Variants in ANKH observed in about 807,000 individuals in gnomAD.
ANKH encodes ANKH inorganic pyrophosphate transport regulator.
Under a neutral mutation model 49.0 loss-of-function variants are expected in ANKH, and 15 were observed. That is an observed-to-expected ratio of 0.31 (90% CI 0.20 to 0.47). The LOEUF is 0.47. Among genes scored for constraint, ANKH ranks in the 20% least tolerant of loss-of-function variants. The pLI, the probability that ANKH is intolerant of heterozygous loss-of-function variation, is 1.00. For synonymous variants in ANKH, 273 were observed against 260.0 expected, an observed-to-expected ratio of 1.05 and a Z score of -0.48; for missense variants, 429 against 652.0, an observed-to-expected ratio of 0.66 and a Z score of 3.72.
chr5:14,731,832 G>A (rs1362422937), intron 8 of ANKH, among the ~76,000 whole-genome samples: 2 of 152,226 alleles, frequency 1.3e-5, no homozygotes, highest in African/African-American at 2.4e-5. Context: ...GACGTGTTCT[G>A]CTCCACTGCC....
At position 14,711,237 on chromosome 5, in the gene ANKH, T is replaced by A. The variant is rs777112283; in HGVS notation, c.1439A>T (p.Glu480Val). Residue 480 changes from glutamate (E) to valine (V), a missense_variant, in exon 12 of 12, where the codon GAG becomes GTG. Transcript: ENST00000284268. Reference protein sequence around the residue: ...SAMTDMPPTEEVTDIVEMREE... With the variant: ...SAMTDMPPTEVVTDIVEMREE... ...TCTCATTTCCACGATGTCTGTCACCTCCTCTGTCGGAGGCATGTCTGTCAT... is the reference window on the plus strand; with the variant it reads ...TCTCATTTCCACGATGTCTGTCACCACCTCTGTCGGAGGCATGTCTGTCAT... The A allele has an allele frequency of 2.4e-5, 39 of 1,613,974 alleles. No individual in the cohort carries two copies. The East Asian group carries it at 6.5e-4, about 27-fold the overall frequency.
At chr5:14,764,264 G>C (rs1739187950) in intron 2 of ANKH, among the ~76,000 whole-genome samples, 1 of 152,200 alleles carries the variant, frequency 6.6e-6, no homozygotes, top group South Asian at 2.1e-4. Flanking sequence ...GTTTTGGTCA[G>C]TAGTGTGCGG....
intron 1 of ANKH, among the ~76,000 whole-genome samples, chr5:14,834,243 C>A (rs1741590355): frequency 6.6e-6 from 1 of 150,878 alleles, no homozygotes. Flanking sequence ...AGTTTCCCAT[C>A]TGTAAAATGG....
intron 1 of ANKH, among the ~76,000 whole-genome samples, chr5:14,830,523 G>GTC (rs1741473401): frequency 6.6e-6 from 1 of 151,770 alleles, no homozygotes; most frequent in Non-Finnish European, 1.5e-5. Context: ...GTGTGTGTGT[G>GTC]TGTGTGTGTG....
intron 9 of ANKH, 106 bp downstream of exon 9, chr5:14,716,600 A>G (rs1737471547): frequency 1.3e-6 from 2 of 1,510,834 alleles, no homozygotes; most frequent in African/African-American, 1.4e-5. Context: ...AGCCACAGTG[A>G]AATTTTACAT....
intron 2 of ANKH, 49 bp downstream of exon 2, chr5:14,768,926 A>G: frequency 1.3e-6 from 2 of 1,555,952 alleles, no homozygotes; most frequent in Non-Finnish European, 1.8e-6. Flanking sequence ...ATGAAAAGGA[A>G]TAAGAAATTG....
intron 1 of ANKH, among the ~76,000 whole-genome samples, chr5:14,826,813 G>T (rs577016388): frequency 9.2e-5 from 14 of 152,278 alleles, no homozygotes; most frequent in African/African-American, 3.4e-4. Flanking sequence ...CCATCGATTT[G>T]CTCTCCATAT....
At chr5:14,718,852 CAT>C (rs1241074442) in intron 8 of ANKH, among the ~76,000 whole-genome samples, 14 of 122,778 alleles carry the variant, frequency 1.1e-4, no homozygotes, top group Admixed American at 7.8e-4. Flanking sequence ...AAAAAAAAGA[CAT>C]AGAAAAAGAT....
At chr5:14,772,644 A>G (rs781601923) in intron 1 of ANKH, among the ~76,000 whole-genome samples, 1 of 152,212 alleles carries the variant, frequency 6.6e-6, no homozygotes, top group Non-Finnish European at 1.5e-5. Context: ...TGCTCAACAA[A>G]CATCTCTAGC....
chr5:14,869,246 C>T (rs1735747857), intron 1 of ANKH: 2 of 152,198 alleles, frequency 1.3e-5, no homozygotes, highest in African/African-American at 2.4e-5. Context: ...TAATTCTTTC[C>T]CTCCAGTTTA....
chr5:14,754,548 C>A (rs1322389367), intron 4 of ANKH, among the ~76,000 whole-genome samples: 1 of 152,028 alleles, frequency 6.6e-6, no homozygotes, highest in Non-Finnish European at 1.5e-5. Context: ...AGAAAATTAA[C>A]AAAGACATAC....
chr5:14,809,568 A>C (rs1359571848), intron 1 of ANKH, among the ~76,000 whole-genome samples: 1 of 152,146 alleles, frequency 6.6e-6, no homozygotes, highest in Non-Finnish European at 1.5e-5. Context: ...CAGTCAATCA[A>C]TAAGTGTCAT....
intron 9 of ANKH, among the ~76,000 whole-genome samples, chr5:14,714,201 GTCACTTCCCTT>G: frequency 6.6e-6 from 1 of 152,318 alleles, no homozygotes; most frequent in African/African-American, 2.4e-5. Flanking sequence ...TTCCACCGAG[GTCACTTCCCTT>G]TCTCCCTCCT....
chr5:14,776,498 G>A (rs1739627223), intron 1 of ANKH, among the ~76,000 whole-genome samples: 1 of 152,166 alleles, frequency 6.6e-6, no homozygotes, highest in African/African-American at 2.4e-5. Flanking sequence ...CAGCACACTA[G>A]GAGTAAATCT....
At chr5:14,716,973 C>T (rs1192737466) in intron 8 of ANKH, 138 bp from the exon 9 acceptor site, 2 of 1,047,072 alleles carry the variant, frequency 1.9e-6, no homozygotes, top group Non-Finnish European at 2.8e-6. Context: ...ATGCTGGTCC[C>T]AGATCTGCCA....
chr5:14,794,377 G>A (rs1443994895), intron 1 of ANKH, among the ~76,000 whole-genome samples: 1 of 152,248 alleles, frequency 6.6e-6, no homozygotes, highest in East Asian at 1.9e-4. Context: ...GTGCAGAGAG[G>A]GGCCCTGGCC....
intron 7 of ANKH, among the ~76,000 whole-genome samples, chr5:14,742,684 T>C (rs1738401799): frequency 6.6e-6 from 1 of 152,218 alleles, no homozygotes; most frequent in South Asian, 2.1e-4. Flanking sequence ...CTGTGCTTGC[T>C]GAGATAACGC....
chr5:14,793,207 T>C (rs1401183717), intron 1 of ANKH, among the ~76,000 whole-genome samples: 1 of 150,402 alleles, frequency 6.6e-6, no homozygotes, highest in African/African-American at 2.5e-5. Context: ...GAGGGATGCG[T>C]CAGCAGAGCC....
At chr5:14,759,112 C>A (rs4701614) in intron 2 of ANKH, among the ~76,000 whole-genome samples, 1 of 151,954 alleles carries the variant, frequency 6.6e-6, no homozygotes, top group African/African-American at 2.4e-5. Context: ...TGTTAATATG[C>A]CTTTCCATAA....
Sources: gnomAD v4.1 joint callset for allele counts (sites outside exome capture counted in the v4.1 genomes callset) on GRCh38, gnomAD v4.1.1 for gene constraint, MANE v1.5 for transcripts, NCBI Gene and HGNC (gene_info 2026-07-23, HGNC 2026-07-21) for gene names.